The following NTM variants were observed in gnomAD, a reference collection of about 807,000 sequenced individuals.
NTM encodes neurotrimin.
NTM carries 13 observed loss-of-function variants against 42.1 expected under a neutral mutation model. The ratio of observed to expected loss-of-function variants is 0.31; its 90% CI spans 0.20 to 0.49. The LOEUF (loss-of-function observed/expected upper bound fraction) is 0.49. Among genes scored for constraint, NTM ranks in the 20% least tolerant of loss-of-function variants. The probability of loss-of-function intolerance (pLI) is 0.99; values close to 1 mark genes in which losing one functional copy is unlikely to be tolerated. For missense variants in NTM, 373 were observed against 452.8 expected (o/e 0.82, Z 1.60); for synonymous variants, 187 against 179.2 (o/e 1.04, Z -0.35).
At chr11:131,861,654 A>G (rs1415397299) in intron 1 of NTM, among the ~76,000 whole-genome samples, 2 of 152,198 alleles carry the variant, frequency 1.3e-5, no homozygotes, top group African/African-American at 4.8e-5. Flanking sequence ...CTGGCTCATT[A>G]TACAATTGGA....
rs561500412 is a variant in NTM, at chr11:131,458,442, C to A, written c.82+87554C>A. ...GTCAAGAACACCTGCGGAGCTCCTT[C>A]CCCAGCCTCTGCCTACCAAAATCCC... On this transcript the variant is annotated intron_variant, in intron 1 of 8. Coordinates refer to ENST00000683400, the MANE Select transcript of NTM (RefSeq NM_001352005.2). 1.6e-3 allele frequency among the ~76,000 whole-genome samples: 248 copies of A among 152,344 alleles called. 2 individuals are homozygous for A. The highest frequency in any genetic ancestry group is 5.1e-3 in the African/African-American group (213 of 41,584).
intron 1 of NTM, among the ~76,000 whole-genome samples, chr11:131,823,969 C>T (rs140860313): frequency 5.7e-4 from 87 of 152,284 alleles, no homozygotes; most frequent in African/African-American, 1.9e-3. Context: ...TGTATGATTA[C>T]AGTGTTGGTT....
intron 3 of NTM, among the ~76,000 whole-genome samples, chr11:132,168,849 A>C (rs552721644): frequency 6.6e-6 from 1 of 152,276 alleles, no homozygotes; most frequent in East Asian, 1.9e-4. Context: ...CCAGTGCACT[A>C]TAAATAAGGC....
chr11:131,402,309 G>T (rs1274891750), intron 1 of NTM, among the ~76,000 whole-genome samples: 1 of 151,934 alleles, frequency 6.6e-6, no homozygotes, highest in African/African-American at 2.4e-5. Flanking sequence ...ACTTGTCTAG[G>T]ATTCAGCAGT....
intron 2 of NTM, among the ~76,000 whole-genome samples, chr11:132,058,491 A>C (rs548737649): frequency 5.8e-4 from 88 of 152,252 alleles, no homozygotes; most frequent in Non-Finnish European, 1.0e-3. Flanking sequence ...CTCCCACTGC[A>C]ATGAGATGAC....
intron 2 of NTM, among the ~76,000 whole-genome samples, chr11:132,044,312 A>T (rs2077676461): frequency 1.3e-5 from 2 of 151,478 alleles, no homozygotes; most frequent in South Asian, 4.2e-4. Context: ...TGCCTGTGTG[A>T]CTCTTTCTTT....
chr11:131,898,804 A>G (rs566596), intron 1 of NTM, among the ~76,000 whole-genome samples: 57,500 of 152,030 alleles, frequency 0.38, 12,932 homozygotes, highest in African/African-American at 0.64. Context: ...GTGCATTTAC[A>G]CATCTGTGTC....
chr11:131,911,676 TG>T, intron 2 of NTM, 28 bp downstream of exon 2: 1 of 1,613,678 alleles, frequency 6.2e-7, no homozygotes, highest in Non-Finnish European at 8.5e-7. Flanking sequence ...TTCTGCGAAC[TG>T]ATGGTTTGTA....
At chr11:131,918,062 C>T (rs1024149626) in intron 2 of NTM, among the ~76,000 whole-genome samples, 1 of 152,212 alleles carries the variant, frequency 6.6e-6, no homozygotes, top group South Asian at 2.1e-4. Flanking sequence ...AAATGCATTG[C>T]GTTCTTGAAT....
At chr11:131,883,365 G>T (rs763156476) in intron 1 of NTM, among the ~76,000 whole-genome samples, 3 of 152,164 alleles carry the variant, frequency 2.0e-5, no homozygotes, top group Non-Finnish European at 4.4e-5. Flanking sequence ...GGAAATCATG[G>T]CCACTTGTCT....
intron 2 of NTM, among the ~76,000 whole-genome samples, chr11:132,034,277 T>C (rs1021451948): frequency 4.6e-5 from 7 of 152,232 alleles, no homozygotes; most frequent in Non-Finnish European, 7.3e-5. Flanking sequence ...GACTATCTGG[T>C]GCTCTCATCT....
At chr11:132,297,145 G>A (rs2094642653) in intron 4 of NTM, among the ~76,000 whole-genome samples, 1 of 152,104 alleles carries the variant, frequency 6.6e-6, no homozygotes, top group Non-Finnish European at 1.5e-5. Flanking sequence ...CATGCCAATT[G>A]AAAATACACA....
intron 1 of NTM, among the ~76,000 whole-genome samples, chr11:131,700,679 C>T (rs2075983553): frequency 6.6e-6 from 1 of 152,246 alleles, no homozygotes; most frequent in African/African-American, 2.4e-5. Context: ...CCAGGCACCT[C>T]ATCCTCAGTG....
chr11:131,862,478 T>C (rs59474331), intron 1 of NTM, among the ~76,000 whole-genome samples: 1 of 152,356 alleles, frequency 6.6e-6, no homozygotes, highest in East Asian at 1.9e-4. Flanking sequence ...TATTTATTGC[T>C]GTGTCCTAGA....
At chr11:131,696,520 CAG>C (rs1236603809) in intron 1 of NTM, among the ~76,000 whole-genome samples, 2 of 152,114 alleles carry the variant, frequency 1.3e-5, no homozygotes, top group East Asian at 3.9e-4. Flanking sequence ...GGACTCTTTC[CAG>C]AGAGTCATTC....
chr11:131,562,035 AT>A (rs372676251), intron 1 of NTM, among the ~76,000 whole-genome samples: 4 of 152,116 alleles, frequency 2.6e-5, no homozygotes, highest in African/African-American at 9.6e-5. Flanking sequence ...ACTATTTTTT[AT>A]TTTTTAGGAT....
Position 131,548,895 on chromosome 11 carries a change from C to A in NTM, c.82+178007C>A, listed in dbSNP as rs186337769. On this transcript the variant is annotated intron_variant, in intron 1 of 8. Transcript: ENST00000683400. ...GACAGAAAGGATAGCAATGAGGAAACTACAATAATAAAGAACTTTATAGCC... is the reference window on the plus strand; with the variant it reads ...GACAGAAAGGATAGCAATGAGGAAAATACAATAATAAAGAACTTTATAGCC... Among the ~76,000 whole-genome samples the A allele has an allele frequency of 1.3e-4, 20 of 152,246 alleles. No homozygotes were observed. In the East Asian group the frequency reaches 3.9e-3, roughly 29 times the overall value.
At chr11:131,767,234 C>T in intron 1 of NTM, 1 of 431,768 alleles carries the variant, frequency 2.3e-6, no homozygotes, top group Non-Finnish European at 3.1e-6. Flanking sequence ...AATCTTACCT[C>T]ATAGGATTGT....
intron 7 of NTM, among the ~76,000 whole-genome samples, chr11:132,328,088 G>A (rs2095720613): frequency 6.9e-6 from 1 of 144,052 alleles, no homozygotes; most frequent in South Asian, 2.1e-4. Context: ...GCTTCTGGAA[G>A]CAGGACACAA....
Sources: allele counts gnomAD v4.1 joint callset (sites outside exome capture counted in the v4.1 genomes callset), GRCh38; gene constraint gnomAD v4.1.1; transcripts MANE v1.5; gene names NCBI Gene and HGNC (gene_info 2026-07-23, HGNC 2026-07-21).